The following SEPTIN11 variants were observed in gnomAD, a reference collection of about 807,000 sequenced individuals.
SEPTIN11 encodes the protein septin 11.
Under a neutral mutation model 51.4 loss-of-function variants are expected in SEPTIN11, and 25 were observed. That is an observed-to-expected ratio of 0.49 (90% CI 0.35 to 0.68). The LOEUF is 0.68. SEPTIN11 is among the 30% of genes least tolerant of loss of function. The pLI is 0.00. For missense variants in SEPTIN11, 381 were observed against 520.8 expected (o/e 0.73, Z 2.61); for synonymous variants, 174 against 184.1 (o/e 0.95, Z 0.44).
chr4:76,961,942 T>A lies in SEPTIN11; in HGVS notation c.27+12012T>A, dbSNP rs545032009. ...GTTGTAATCATCATCATCGCCTAAT[T>A]TAATGTTTTGTGAATCTATGAAATA... On this transcript the variant is annotated intron_variant, in intron 1 of 9. Transcript: ENST00000264893. Among the ~76,000 whole-genome samples, 78 of 152,364 alleles carry A rather than the reference T, an allele frequency of 5.1e-4. 1 individual carries two copies. Among genetic ancestry groups the A allele is most frequent in the Non-Finnish European group, 7.5e-4 (51 of 68,040 alleles).
Position 77,038,292 on chromosome 4 carries a change from T to C in SEPTIN11, c.*3780T>C. The C allele has an allele frequency of 4.1e-6, 4 of 985,602 alleles. No homozygotes were observed. The highest frequency in any genetic ancestry group is 4.8e-6 in the Non-Finnish European group (4 of 829,666). The allele number at this position is 985,602 out of a possible 1,614,324, so 61.1% of individuals were successfully genotyped here. A position where few individuals can be genotyped will look rare whatever the true frequency, so the allele number is the denominator to read the frequency against. ...TAATTTTAAAATATGCTGATATGCC[T>C]TAAACTGTAGTTGTAGATCCTTGTC... is the stretch of plus-strand genomic sequence containing the variant. On this transcript the variant is annotated 3_prime_UTR_variant, in exon 10 of 10. Coordinates refer to ENST00000264893, the MANE Select transcript of SEPTIN11 (RefSeq NM_018243.4).
intron 1 of SEPTIN11, among the ~76,000 whole-genome samples, chr4:76,956,015 T>C (rs112784204): frequency 6.6e-6 from 1 of 152,206 alleles, no homozygotes; most frequent in Non-Finnish European, 1.5e-5. Flanking sequence ...CATTGGATTT[T>C]ATGAAAACAG....
At chr4:76,995,638 T>C (rs1578157838) in intron 1 of SEPTIN11, 1 of 584,006 alleles carries the variant, frequency 1.7e-6, no homozygotes, top group South Asian at 3.2e-5. Flanking sequence ...ACAGATTATC[T>C]CCAACACCCA....
At chr4:76,977,213 T>C (rs1239851302) in intron 1 of SEPTIN11, among the ~76,000 whole-genome samples, 2 of 152,148 alleles carry the variant, frequency 1.3e-5, no homozygotes, top group African/African-American at 4.8e-5. Flanking sequence ...CTTACAAAAA[T>C]ATTACTGCTT....
intron 1 of SEPTIN11, among the ~76,000 whole-genome samples, chr4:76,976,449 C>T (rs1722507553): frequency 6.6e-6 from 1 of 152,194 alleles, no homozygotes; most frequent in Non-Finnish European, 1.5e-5. Context: ...GAATGTTTGA[C>T]TGTCAGACGA....
rs951996471 is a variant in SEPTIN11 at position 77,024,072 on chromosome 4, CAG to C, written c.953+3407_953+3408del. 2.6e-5 allele frequency among the ~76,000 whole-genome samples: 4 copies of C among 152,136 alleles called. No homozygotes were observed. Among genetic ancestry groups the C allele is most frequent in the African/African-American group, 4.8e-5 (2 of 41,428 alleles). ...GTGTTTACAGTACATGTTTGTAAAA[CAG>C]AGAGTGACCTCTAACACCAAGTCTA... On this transcript the variant is annotated intron_variant, in intron 7 of 9. Transcript: ENST00000264893. This position sits in a 1 kb window ranked among gnomAD's most constrained non-coding sequence, Gnocchi z 4.2.
chr4:77,003,797 G>T (rs1411980558), intron 2 of SEPTIN11, among the ~76,000 whole-genome samples: 1 of 152,132 alleles, frequency 6.6e-6, no homozygotes, highest in East Asian at 1.9e-4. Context: ...TATAGTGGGA[G>T]GGTTGCCCAG....
At chr4:76,991,477 TTTA>T (rs1341664704) in intron 1 of SEPTIN11, among the ~76,000 whole-genome samples, 1 of 152,238 alleles carries the variant, frequency 6.6e-6, no homozygotes, top group East Asian at 1.9e-4. Flanking sequence ...CATAATTTGT[TTTA>T]TAATTATCTC....
downstream of SEPTIN11, chr4:77,038,935 C>T (rs538817132): frequency 2.9e-5 from 15 of 517,824 alleles, no homozygotes; most frequent in African/African-American, 7.9e-5. Context: ...CTCACCCTCC[C>T]GTCGAGCTCG....
chr4:77,031,056 A>C (rs1280130770), intron 9 of SEPTIN11, 86 bp downstream of exon 9: 3 of 1,224,550 alleles, frequency 2.4e-6, no homozygotes, highest in African/African-American at 3.1e-5. Flanking sequence ...TACAGACTGG[A>C]AACTGGTCCT....
At chr4:76,964,751 TG>T (rs1721964095) in intron 1 of SEPTIN11, among the ~76,000 whole-genome samples, 1 of 152,242 alleles carries the variant, frequency 6.6e-6, no homozygotes, top group South Asian at 2.1e-4. Flanking sequence ...TCTTGAACTT[TG>T]GGTTTATGCA....
intron 7 of SEPTIN11, among the ~76,000 whole-genome samples, chr4:77,022,336 C>T (rs890171828): frequency 3.9e-5 from 6 of 152,154 alleles, no homozygotes; most frequent in African/African-American, 7.2e-5. Context: ...GGTCCTGCTA[C>T]GCTACAAGTT....
rs1726003217 is a variant in SEPTIN11, at chr4:77,024,984, A to G, written c.954-3645A>G. On this transcript the variant is annotated intron_variant, in intron 7 of 9. Transcript: ENST00000264893. The surrounding 1 kb of genome is among the most constrained non-coding windows in gnomAD (Gnocchi z 4.2). ...TGCCCTCCACTAGATGCTTTTAGAT[A>G]AGAACAGAGAGAGAATCGTGCTGTG... Among the ~76,000 whole-genome samples, 2 of 152,224 alleles carry G rather than the reference A, an allele frequency of 1.3e-5. No homozygotes were observed. The highest frequency in any genetic ancestry group is 2.9e-5 in the Non-Finnish European group (2 of 68,038).
chr4:77,008,244 A>G (rs1192347527), intron 3 of SEPTIN11, among the ~76,000 whole-genome samples: 1 of 152,208 alleles, frequency 6.6e-6, no homozygotes, highest in Admixed American at 6.5e-5. Context: ...TTGTTGTTCA[A>G]TTGGAAATAG....
chr4:76,973,599 T>C (rs1289036384), intron 1 of SEPTIN11, among the ~76,000 whole-genome samples: 1 of 152,218 alleles, frequency 6.6e-6, no homozygotes, highest in East Asian at 1.9e-4. Flanking sequence ...GTCTACTACT[T>C]TTTGTATGAC....
rs771566068 is a variant in SEPTIN11 at position 77,031,014 on chromosome 4, T to C, written c.1274+44T>C. 2.6e-6 allele frequency: 4 copies of C among 1,532,930 alleles called. No individual in the cohort carries two copies. The East Asian group carries it at 9.1e-5, about 35-fold the overall frequency. 95.0% of individuals were successfully genotyped at this position (1,532,930 alleles called of 1,614,324 possible). On this transcript the variant is annotated intron_variant, in intron 9 of 9. Coordinates refer to ENST00000264893, the MANE Select transcript of SEPTIN11 (RefSeq NM_018243.4). ...CCTGTATCGGGGACCTCTAACAATT[T>C]ATTCCTCTTGCATGTCTCTACTTTT...
At chr4:77,013,570 C>G (rs998972164) in intron 4 of SEPTIN11, among the ~76,000 whole-genome samples, 1 of 152,122 alleles carries the variant, frequency 6.6e-6, no homozygotes, top group South Asian at 2.1e-4. Flanking sequence ...TTTCTTGTTC[C>G]TCTGGTCCTG....
Position 77,014,995 on chromosome 4 carries a change from C to T in SEPTIN11, c.665C>T (p.Ala222Val), listed in dbSNP as rs150623142. 3.9e-5 allele frequency: 63 copies of T among 1,613,628 alleles called. No homozygotes were observed. Among genetic ancestry groups the T allele is most frequent in the Admixed American group, 1.7e-5 (1 of 59,912 alleles). Residue 222 changes from alanine to valine, a missense_variant, in exon 5 of 10, where the codon GCA becomes GTA. Transcript: ENST00000264893. ...YQFPTDEETV[A>V]EINATMSVHL... ...TTTCCCACTGATGAAGAAACGGTGG[C>T]AGAGATTAACGCAACAATGAGTGTA...
At chr4:77,021,251 G>A (rs1440124881) in intron 7 of SEPTIN11, 1 of 152,508 alleles carries the variant, frequency 6.6e-6, no homozygotes, top group Non-Finnish European at 1.5e-5. Flanking sequence ...CGCAAAATGT[G>A]AAGGGGAGAA....
Sources: allele counts gnomAD v4.1 joint callset (sites outside exome capture counted in the v4.1 genomes callset), GRCh38; gene constraint gnomAD v4.1.1; non-coding constraint Gnocchi (gnomAD v3.1); transcripts MANE v1.5; gene names NCBI Gene and HGNC (gene_info 2026-07-23, HGNC 2026-07-21).